Variants in KDM5A observed in about 807,000 individuals in gnomAD.
The protein encoded by KDM5A is lysine demethylase 5A.
KDM5A carries 42 observed loss-of-function variants against 193.5 expected under a neutral mutation model. The ratio of observed to expected loss-of-function variants is 0.22; its 90% CI spans 0.17 to 0.28. The LOEUF is 0.28. Among genes scored for constraint, KDM5A ranks in the 10% least tolerant of loss-of-function variants. The pLI, the probability that KDM5A is intolerant of heterozygous loss-of-function variation, is 1.00. For missense variants in KDM5A, 1,692 were observed against 2,055.1 expected (o/e 0.82, Z 3.42); for synonymous variants, 796 against 718.1 (o/e 1.11, Z -1.73).
chr12:332,043 A>C, intron 12 of KDM5A, 105 bp from the exon 13 acceptor site: 2 of 1,093,852 alleles, frequency 1.8e-6, no homozygotes, highest in Non-Finnish European at 2.7e-6. Flanking sequence ...CTAAAACTGA[A>C]AACAATAAAG....
chr12:336,867 CAT>C (rs2137429314), intron 10 of KDM5A, among the ~76,000 whole-genome samples: 1 of 151,572 alleles, frequency 6.6e-6, no homozygotes, highest in Non-Finnish European at 1.5e-5. Flanking sequence ...TACAAGGTAA[CAT>C]ATATAAAATT....
chr12:316,689 C>A (rs916325974), intron 19 of KDM5A, among the ~76,000 whole-genome samples: 13 of 152,198 alleles, frequency 8.5e-5, no homozygotes, highest in Admixed American at 8.5e-4. Context: ...CCTCCTGGAA[C>A]TGTCATTCGT....
intron 26 of KDM5A, 106 bp from the exon 27 acceptor site, chr12:293,275 A>G: frequency 1.0e-6 from 1 of 959,788 alleles, no homozygotes; most frequent in Non-Finnish European, 1.6e-6. Context: ...AGAGACAGAA[A>G]GTCGAACAGA....
In KDM5A at chr12:309,912, C is replaced by A. The variant is rs761672130; in HGVS notation, c.3269G>T (p.Arg1090Met). 1 of 1,613,170 alleles carries A rather than the reference C, an allele frequency of 6.2e-7. No individual in the cohort carries two copies. Among genetic ancestry groups the A allele is most frequent in the Non-Finnish European group, 8.5e-7 (1 of 1,179,834 alleles). ...TTCTATTAGTTCTTTTACTTTTTTC[C>A]TCCTATTTTTGCCACTCCCATATAC... ...IGVYGSGKNR[R>M]KKVKELIEKE... The change falls in exon 22 of 28, where the codon AGG (arginine) becomes ATG (methionine). Residue 1090 changes from arginine (R) to methionine (M), a missense_variant. Transcript: ENST00000399788.
intron 10 of KDM5A, among the ~76,000 whole-genome samples, chr12:341,676 C>G (rs928018470): frequency 1.3e-5 from 2 of 152,006 alleles, no homozygotes; most frequent in East Asian, 1.9e-4. Flanking sequence ...CCAAGGTGAG[C>G]GAATCACGAG....
chr12:388,952 C>T lies in KDM5A; in HGVS notation c.140G>A (p.Gly47Asp), dbSNP rs1180758970. 1 of 1,614,222 alleles carries T rather than the reference C, an allele frequency of 6.2e-7. No homozygotes were observed. The highest frequency in any genetic ancestry group is 8.5e-7 in the Non-Finnish European group (1 of 1,180,048). ...CTTGGGCGGCCGAATTTTGCAGATG[C>T]CGGTTTTCTCCGCCAAAGGCCGGAT... ...GRIRPLAEKT[G>D]ICKIRPPKDW... The change falls in exon 1 of 28, where the codon GGC (glycine) becomes GAC (aspartate). Residue 47 changes from glycine to aspartate, a missense_variant. Physicochemically the swap from Gly to Asp is moderately conservative, Grantham distance 94 (BLOSUM62 -1). Around this residue, in one of 11 missense-constraint regions of KDM5A, gnomAD observed 84 missense variants for 68.2 expected, o/e 1.23. Transcript: ENST00000399788.
chr12:297,982 T>C (rs1943395092), intron 24 of KDM5A, among the ~76,000 whole-genome samples: 1 of 152,136 alleles, frequency 6.6e-6, no homozygotes, highest in Non-Finnish European at 1.5e-5. Flanking sequence ...AAAAAATTAC[T>C]ATTGCTCTCT....
intron 24 of KDM5A, among the ~76,000 whole-genome samples, chr12:299,881 A>G (rs1405391516): frequency 1.3e-5 from 2 of 151,006 alleles, no homozygotes; most frequent in South Asian, 4.2e-4. Context: ...AAAAAAAAGC[A>G]GGAGTTGCAA....
At chr12:339,669 A>G (rs894775820) in intron 10 of KDM5A, among the ~76,000 whole-genome samples, 1 of 152,238 alleles carries the variant, frequency 6.6e-6, no homozygotes, top group Non-Finnish European at 1.5e-5. Flanking sequence ...TCAAAGAGTC[A>G]CAGTTGGAAG....
chr12:351,727 G>T (rs1463869661), intron 9 of KDM5A, among the ~76,000 whole-genome samples: 1 of 152,152 alleles, frequency 6.6e-6, no homozygotes, highest in Non-Finnish European at 1.5e-5. Context: ...CCAACACTTT[G>T]GGAGGCCAAG....
At chr12:310,296 G>A (rs541226323) in intron 21 of KDM5A, among the ~76,000 whole-genome samples, 158 of 152,260 alleles carry the variant, frequency 1.0e-3, no homozygotes, top group African/African-American at 3.6e-3. Flanking sequence ...AAGATGAAAG[G>A]GATGATGAAT....
In KDM5A at chr12:312,921, T is replaced by A. The variant is rs573262621; in HGVS notation, c.3036+135A>T. ...ATCACTTTCGCACCATCATAAAGTC[T>A]AAAAATCACAAATCGATCTAAGTTA... On this transcript the variant is annotated intron_variant, in intron 20 of 27. Transcript: ENST00000399788. 6.9e-5 allele frequency: 74 copies of A among 1,075,756 alleles called. No homozygotes were observed. In the East Asian group the frequency reaches 1.8e-3, roughly 26 times the overall value. 66.6% of individuals were successfully genotyped at this position (1,075,756 alleles called of 1,614,324 possible).
rs1005003488 is a variant in KDM5A at position 285,722 on chromosome 12, G to C, written c.4867-60C>G. On this transcript the variant is annotated intron_variant, in intron 27 of 27. Coordinates refer to ENST00000399788, the MANE Select transcript of KDM5A (RefSeq NM_001042603.3). ...CATAAACATTAAGCCTAGAATAAAA[G>C]CAAACCAAAGAGCTTTCTTGGCTTA... 1.8e-5 allele frequency: 26 copies of C among 1,462,744 alleles called. No individual in the cohort carries two copies. The African/African-American group carries it at 3.2e-4, about 18-fold the overall frequency. 90.6% of individuals were successfully genotyped at this position (1,462,744 alleles called of 1,614,324 possible).
At chr12:334,203 G>A (rs375074743) in intron 11 of KDM5A, 38 bp downstream of exon 11, 2 of 1,560,322 alleles carry the variant, frequency 1.3e-6, no homozygotes, top group African/African-American at 2.7e-5. Flanking sequence ...CTAGACTTTA[G>A]TAGAGTTCAT....
At chr12:374,307 GT>G (rs1944471669) in intron 3 of KDM5A, among the ~76,000 whole-genome samples, 1 of 152,160 alleles carries the variant, frequency 6.6e-6, no homozygotes, top group South Asian at 2.1e-4. Context: ...AGCTCTTCTT[GT>G]TGCATTGATC....
At chr12:329,077 A>G (rs751655592) in intron 13 of KDM5A, 48 bp from the exon 14 acceptor site, 1 of 1,517,596 alleles carries the variant, frequency 6.6e-7, no homozygotes, top group South Asian at 1.1e-5. Context: ...AACATATCCC[A>G]GCACAGAACC....
rs919443939 is a variant in KDM5A, at chr12:282,736, G to C, written c.*2720C>G. 1 of 232,454 alleles carries C rather than the reference G, an allele frequency of 4.3e-6. No individual in the cohort carries two copies. Among genetic ancestry groups the C allele is most frequent in the Non-Finnish European group, 8.5e-6 (1 of 117,740 alleles). 14.4% of individuals were successfully genotyped at this position (232,454 alleles called of 1,614,324 possible). On this transcript the variant is annotated 3_prime_UTR_variant, in exon 28 of 28. Coordinates refer to ENST00000399788, the MANE Select transcript of KDM5A (RefSeq NM_001042603.3). ...TCAGTTGCAGTTTAGAGGAGATAAG[G>C]GTAGAAAGACATTTTAAATCATGTC...
chr12:371,350 A>G (rs1944425285), intron 3 of KDM5A, among the ~76,000 whole-genome samples: 1 of 152,078 alleles, frequency 6.6e-6, no homozygotes, highest in African/African-American at 2.4e-5. Flanking sequence ...TTTGATTTGC[A>G]TTTCTCTGAT....
At chr12:370,746 C>T (rs898963265) in intron 3 of KDM5A, among the ~76,000 whole-genome samples, 1 of 152,176 alleles carries the variant, frequency 6.6e-6, no homozygotes, top group Non-Finnish European at 1.5e-5. Context: ...GGTATATCTC[C>T]TAATGCTATC....
Sources: gnomAD v4.1 joint callset for allele counts (sites outside exome capture counted in the v4.1 genomes callset) on GRCh38, gnomAD v4.1.1 for gene constraint, gnomAD v4.1.1 regional missense constraint, MANE v1.5 for transcripts, NCBI Gene and HGNC (gene_info 2026-07-23, HGNC 2026-07-21) for gene names.